Variants in E2F3 observed in about 807,000 individuals in gnomAD.
E2F3 encodes E2F transcription factor 3.
In E2F3, 11 loss-of-function variants were observed where a neutral mutation model predicts 44.4. The observed-to-expected ratio is 0.25, with a 90% CI of 0.16 to 0.41. E2F3 has a LOEUF of 0.41. Among genes scored for constraint, E2F3 ranks in the 10% least tolerant of loss-of-function variants. E2F3 has a pLI of 1.00. For missense variants in E2F3, 487 were observed against 583.6 expected (o/e 0.83, Z 1.70); for synonymous variants, 249 against 253.0 (o/e 0.98, Z 0.15).
In E2F3 at chr6:20,490,257, C is replaced by A; in HGVS notation, c.1225C>A (p.Gln409Lys). 6.2e-7 allele frequency: 1 copy of A among 1,614,156 alleles called. No homozygotes were observed. ...PLASPANLLQ[Q>K]TEDQIPSNLE... ...GGCCTCCCCAGCCAACCTCTTACAG[C>A]AGACTGAGGACCAAATTCCTTCCAA... Residue 409 changes from glutamine to lysine, a missense_variant, in exon 7 of 7, where the codon CAG becomes AAG. Gln to Lys is a moderately conservative substitution (Grantham distance 53). Around this residue, in one of 3 missense-constraint regions of E2F3, gnomAD observed 220 missense variants for 261.7 expected, o/e 0.84. Transcript: ENST00000346618. This position sits in a 1 kb window ranked among gnomAD's most constrained non-coding sequence, Gnocchi z 4.3.
intron 1 of E2F3, among the ~76,000 whole-genome samples, chr6:20,412,435 G>C (rs1020509525): frequency 6.6e-6 from 1 of 152,072 alleles, no homozygotes; most frequent in Non-Finnish European, 1.5e-5. Context: ...AGATTGGGGA[G>C]GCCCTTTCTG....
intron 1 of E2F3, among the ~76,000 whole-genome samples, chr6:20,427,238 A>G (rs942042): frequency 0.86 from 130,751 of 152,202 alleles, 56,784 homozygotes; most frequent in East Asian, 0.93. Context: ...CCCTATGTCC[A>G]CTCCTACAGC....
intron 1 of E2F3, among the ~76,000 whole-genome samples, chr6:20,461,994 C>A (rs1761524969): frequency 6.6e-6 from 1 of 152,186 alleles, no homozygotes; most frequent in Non-Finnish European, 1.5e-5. Context: ...ATTTATATTT[C>A]TCTGACTTCG....
At chr6:20,425,249 A>G (rs1760174710) in intron 1 of E2F3, among the ~76,000 whole-genome samples, 1 of 152,226 alleles carries the variant, frequency 6.6e-6, no homozygotes, top group East Asian at 1.9e-4. Flanking sequence ...AATGCCAGAC[A>G]CTGTAACCCT....
At position 20,492,371 on chromosome 6, in the gene E2F3, A is replaced by T. The variant is rs543981914; in HGVS notation, c.*1941A>T. 1.1e-4 allele frequency: 26 copies of T among 233,506 alleles called. No individual in the cohort carries two copies. The highest frequency in any genetic ancestry group is 2.5e-3 in the Middle Eastern group (2 of 786). The allele number at this position is 233,506 out of a possible 1,614,324, so 14.5% of individuals were successfully genotyped here. On this transcript the variant is annotated 3_prime_UTR_variant, in exon 7 of 7. Transcript: ENST00000346618. ...TCCATCCCTGGCCTCCTCCCCTCAC[A>T]CACACTGGACTTGGTACAAAATGTC... is the stretch of plus-strand genomic sequence containing the variant.
At chr6:20,451,944 A>G (rs886340402) in intron 1 of E2F3, among the ~76,000 whole-genome samples, 3 of 152,096 alleles carry the variant, frequency 2.0e-5, no homozygotes, top group Non-Finnish European at 4.4e-5. Flanking sequence ...TTGATGTGCT[A>G]GTGGGTTTGT....
intron 1 of E2F3, among the ~76,000 whole-genome samples, chr6:20,462,503 G>T (rs1421692152): frequency 6.6e-6 from 1 of 150,734 alleles, no homozygotes; most frequent in Non-Finnish European, 1.5e-5. Flanking sequence ...TGTCACCCAG[G>T]CTGGAGTGCA....
At position 20,488,221 on chromosome 6, in the gene E2F3, G is replaced by A. The variant is rs770757687; in HGVS notation, c.1108G>A (p.Gly370Arg). ...GAAAACAAACAACCAAGACCACAAT[G>A]GGAATATCCCTAAACCCGCTTCCAA... ...PMKTNNQDHN[G>R]NIPKPASKDL... Residue 370 changes from glycine (G) to arginine (R), a missense_variant, in exon 6 of 7, where the codon GGG (glycine) becomes AGG (arginine). Gly to Arg is a moderately radical substitution (Grantham distance 125). Transcript: ENST00000346618. 4 of 1,606,570 alleles carry A rather than the reference G, an allele frequency of 2.5e-6. No homozygotes were observed. Among genetic ancestry groups the A allele is most frequent in the Admixed American group, 3.5e-5 (2 of 57,862 alleles).
intron 2 of E2F3, 172 bp downstream of exon 2, chr6:20,480,129 G>C: frequency 1.1e-6 from 1 of 933,678 alleles, no homozygotes; most frequent in Non-Finnish European, 1.3e-6. Flanking sequence ...GACAACCAGT[G>C]AAAGGCTACA....
At chr6:20,464,872 C>T (rs1761649629) in intron 1 of E2F3, among the ~76,000 whole-genome samples, 1 of 152,188 alleles carries the variant, frequency 6.6e-6, no homozygotes, top group Non-Finnish European at 1.5e-5. Context: ...CAACAGGTTT[C>T]GGTCGTACAA....
In E2F3 at chr6:20,490,461, CGATATTTTTT is replaced by C; in HGVS notation, c.*32_*41del. The stretch of plus-strand genomic sequence containing the variant: ...CTTCGTGTGAACTCTCCTTAAAAAC[CGATATTTTTT>C]TATCATGGAACCAGAACATCTGTCA... On this transcript the variant is annotated 3_prime_UTR_variant, in exon 7 of 7. Transcript: ENST00000346618. This position sits in a 1 kb window ranked among gnomAD's most constrained non-coding sequence, Gnocchi z 4.3. 2 of 1,517,450 alleles carry C rather than the reference CGATATTTTTT, an allele frequency of 1.3e-6. No homozygotes were observed. The highest frequency in any genetic ancestry group is 1.8e-6 in the Non-Finnish European group (2 of 1,132,366). 94.0% of individuals were successfully genotyped at this position (1,517,450 alleles called of 1,614,324 possible). A position where few individuals can be genotyped will look rare whatever the true frequency, so the allele number is the denominator to read the frequency against.
intron 4 of E2F3, among the ~76,000 whole-genome samples, chr6:20,485,487 C>T (rs777238120): frequency 2.6e-5 from 4 of 151,984 alleles, no homozygotes; most frequent in East Asian, 1.9e-4. Context: ...GGCTGAGGCA[C>T]GAGAATCATT....
At chr6:20,485,318 C>T (rs1762356762) in intron 4 of E2F3, among the ~76,000 whole-genome samples, 1 of 152,196 alleles carries the variant, frequency 6.6e-6, no homozygotes, top group African/African-American at 2.4e-5. Context: ...TGGCTCACAC[C>T]TGTAATCCCA....
chr6:20,482,605 T>A (rs57994351), intron 3 of E2F3, among the ~76,000 whole-genome samples, 157 bp from the exon 4 acceptor site: 3,030 of 142,770 alleles, frequency 0.021, 96 homozygotes, highest in African/African-American at 0.074. Context: ...AAAAAATATA[T>A]ATATATATAT....
rs546806993 is a variant in E2F3 at position 20,403,466 on chromosome 6, G to A, written c.393+841G>A. The stretch of plus-strand genomic sequence containing the variant: ...CGCCCCCCGGCGACGGAGGGCGGGG[G>A]CAGCTGGGTTCCCGTCCCGCCGCCT... On this transcript the variant is annotated intron_variant, in intron 1 of 6. Transcript: ENST00000346618. Among the ~76,000 whole-genome samples the A allele has an allele frequency of 3.2e-4, 49 of 152,206 alleles. 1 individual carries two copies. The South Asian group carries it at 9.9e-3, about 31-fold the overall frequency.
In E2F3 at chr6:20,493,223, T is replaced by C. The variant is rs1358092926; in HGVS notation, c.*2793T>C. On this transcript the variant is annotated 3_prime_UTR_variant, in exon 7 of 7. Transcript: ENST00000346618. ...AAGAGTGTTATTTTGTTTTTGTTTT[T>C]CTGTTCTTTGTTGTGGCTCTTGTTT... is the stretch of plus-strand genomic sequence containing the variant. 3 of 227,240 alleles carry C rather than the reference T, an allele frequency of 1.3e-5. No homozygotes were observed. Among genetic ancestry groups the C allele is most frequent in the Non-Finnish European group, 2.6e-5 (3 of 113,980 alleles). The allele number at this position is 227,240 out of a possible 1,614,324, so 14.1% of individuals were successfully genotyped here. A position where few individuals can be genotyped will look rare whatever the true frequency, so the allele number is the denominator to read the frequency against.
At chr6:20,468,100 G>T (rs1435875494) in intron 1 of E2F3, among the ~76,000 whole-genome samples, 2 of 152,190 alleles carry the variant, frequency 1.3e-5, no homozygotes, top group Non-Finnish European at 2.9e-5. Flanking sequence ...CAGATGTGTG[G>T]GGGGTTTCCC....
At chr6:20,437,350 C>T (rs923704050) in intron 1 of E2F3, among the ~76,000 whole-genome samples, 6 of 152,092 alleles carry the variant, frequency 3.9e-5, no homozygotes, top group Non-Finnish European at 8.8e-5. Context: ...GTTTCCAATA[C>T]CCTTTATCCA....
intron 1 of E2F3, among the ~76,000 whole-genome samples, chr6:20,451,234 T>G (rs1761120880): frequency 6.6e-6 from 1 of 152,164 alleles, no homozygotes; most frequent in Non-Finnish European, 1.5e-5. Context: ...TTTGTTTGTG[T>G]CATCTCTGAT....
Sources: allele counts gnomAD v4.1 joint callset (sites outside exome capture counted in the v4.1 genomes callset), GRCh38; gene constraint gnomAD v4.1.1; regional missense constraint gnomAD v4.1.1; non-coding constraint Gnocchi (gnomAD v3.1); transcripts MANE v1.5; gene names NCBI Gene and HGNC (gene_info 2026-07-23, HGNC 2026-07-21).